ZFHX3: variants seen among roughly 807,000 people sequenced by gnomAD.
The protein encoded by ZFHX3 is zinc finger homeobox protein 3.
Under a neutral mutation model 279.1 loss-of-function variants are expected in ZFHX3, and 42 were observed. The ratio of observed to expected loss-of-function variants is 0.15; its 90% CI spans 0.12 to 0.19. The LOEUF is 0.19. Among genes scored for constraint, ZFHX3 ranks in the 10% least tolerant of loss-of-function variants. The pLI is 1.00. For missense variants in ZFHX3, 4,981 were observed against 4,754.0 expected, an observed-to-expected ratio of 1.05 and a Z score of -1.40; for synonymous variants, 2,293 against 1,957.8, an observed-to-expected ratio of 1.17 and a Z score of -4.52.
chr16:73,782,463 T>G (rs912749214), intron 1 of ZFHX3, among the ~76,000 whole-genome samples: 1 of 152,234 alleles, frequency 6.6e-6, no homozygotes, highest in South Asian at 2.1e-4. Context: ...GTCCCTAATT[T>G]AGAGGAGGAC....
At chr16:73,872,394 T>G (rs2029864413) in intron 1 of ZFHX3, among the ~76,000 whole-genome samples, 1 of 148,184 alleles carries the variant, frequency 6.7e-6, no homozygotes, top group Non-Finnish European at 1.5e-5. Flanking sequence ...CCCAGTTAAC[T>G]TATTATTATT....
At chr16:73,546,175 T>A (rs1184782803) in intron 2 of ZFHX3, among the ~76,000 whole-genome samples, 1 of 152,212 alleles carries the variant, frequency 6.6e-6, no homozygotes, top group Non-Finnish European at 1.5e-5. Context: ...GTTGCTATTA[T>A]CTCTTGCAAT....
chr16:73,673,592 TA>T (rs35298248), intron 2 of ZFHX3, among the ~76,000 whole-genome samples: 91,791 of 151,698 alleles, frequency 0.61, 28,914 homozygotes, highest in Middle Eastern at 0.84. Flanking sequence ...CATGAGAAAC[TA>T]GACTATTTTT....
At chr16:73,688,811 T>G (rs1378070286) in intron 1 of ZFHX3, among the ~76,000 whole-genome samples, 1 of 152,182 alleles carries the variant, frequency 6.6e-6, no homozygotes, top group Non-Finnish European at 1.5e-5. Flanking sequence ...GTTCCCATGC[T>G]ATTCTCATGA....
chr16:73,726,330 C>T lies in ZFHX3; in HGVS notation c.-1607-46090G>A, dbSNP rs183173877. 4.0e-4 allele frequency among the ~76,000 whole-genome samples: 61 copies of T among 152,218 alleles called. 1 individual carries two copies. Among genetic ancestry groups the T allele is most frequent in the East Asian group, 3.1e-3 (16 of 5,178 alleles). On this transcript the variant is annotated intron_variant, in intron 1 of 17. Transcript: ENST00000641206. Reference sequence around the variant, plus strand: ...ATGGCACCCAGAGGACATATTGCTGCCAAAGCACTGCATGGAAGTGGTTTA... The same window carrying T: ...ATGGCACCCAGAGGACATATTGCTGTCAAAGCACTGCATGGAAGTGGTTTA...
intron 1 of ZFHX3, among the ~76,000 whole-genome samples, chr16:73,789,058 TATATATATC>T (rs1176687367): frequency 9.3e-5 from 14 of 150,718 alleles, no homozygotes; most frequent in Admixed American, 6.6e-4. Context: ...ATAGATATCT[TATATATATC>T]ATATATATCT....
chr16:73,258,445 G>A (rs1442166807), intron 4 of ZFHX3, among the ~76,000 whole-genome samples: 2 of 151,928 alleles, frequency 1.3e-5, no homozygotes, highest in Non-Finnish European at 2.9e-5. Context: ...CACCTCCCGG[G>A]TTCACGCCAT....
intron 5 of ZFHX3, among the ~76,000 whole-genome samples, chr16:73,251,131 A>G (rs1230489148): frequency 6.6e-6 from 1 of 152,214 alleles, no homozygotes; most frequent in Non-Finnish European, 1.5e-5. Flanking sequence ...AAAAGTGTCT[A>G]TTCTTACCAG....
intron 2 of ZFHX3, among the ~76,000 whole-genome samples, chr16:73,631,076 T>C (rs1033407441): frequency 6.6e-6 from 1 of 152,162 alleles, no homozygotes; most frequent in Non-Finnish European, 1.5e-5. Context: ...CAGGCCTGAT[T>C]CCTGAGATGG....
chr16:73,031,282 G>C lies in ZFHX3; in HGVS notation c.-50+16470C>G, dbSNP rs77351898. ...GCCGACCAAAAAAGCCTGGCGGCGG[G>C]GGGGGAAGTAAACATTCACACTTCA... On this transcript the variant is annotated intron_variant, in intron 1 of 9. Transcript: ENST00000268489. Among the ~76,000 whole-genome samples, 323 of 152,190 alleles carry C rather than the reference G, an allele frequency of 2.1e-3. 3 individuals are homozygous for C. The highest frequency in any genetic ancestry group is 7.4e-3 in the African/African-American group (308 of 41,548).
intron 2 of ZFHX3, among the ~76,000 whole-genome samples, chr16:73,659,592 GC>G (rs908583468): frequency 2.6e-5 from 4 of 152,084 alleles, no homozygotes; most frequent in African/African-American, 9.7e-5. Flanking sequence ...TGTATGGAGA[GC>G]TTTCAGGCTC....
At chr16:72,907,541 CTA>C (rs1202359979) in intron 3 of ZFHX3, among the ~76,000 whole-genome samples, 10 of 117,268 alleles carry the variant, frequency 8.5e-5, no homozygotes, top group African/African-American at 3.7e-4. Context: ...AAGGTTTCCT[CTA>C]TTTGTGTGTG....
chr16:73,236,934 G>C (rs2012968317), intron 5 of ZFHX3, among the ~76,000 whole-genome samples: 1 of 152,192 alleles, frequency 6.6e-6, no homozygotes, highest in African/African-American at 2.4e-5. Context: ...AAATGGTGAA[G>C]ACAGCAAGAA....
intron 4 of ZFHX3, among the ~76,000 whole-genome samples, chr16:73,302,653 T>C (rs1318511760): frequency 1.3e-5 from 2 of 152,206 alleles, no homozygotes; most frequent in African/African-American, 4.8e-5. Flanking sequence ...AACATTCACT[T>C]AGCTTTCTCC....
intron 1 of ZFHX3, among the ~76,000 whole-genome samples, chr16:73,852,336 G>A (rs1597144132): frequency 6.6e-6 from 1 of 152,154 alleles, no homozygotes; most frequent in Non-Finnish European, 1.5e-5. Flanking sequence ...GTAGGCGTCT[G>A]ACTTCTTATA....
chr16:72,824,054 G>A (rs1597279587), intron 5 of ZFHX3, among the ~76,000 whole-genome samples: 1 of 152,124 alleles, frequency 6.6e-6, no homozygotes, highest in Admixed American at 6.5e-5. Context: ...ATACAAAGCT[G>A]TAAACAACAG....
At chr16:72,935,869 TAC>T (rs1400059094) in intron 3 of ZFHX3, among the ~76,000 whole-genome samples, 1 of 152,014 alleles carries the variant, frequency 6.6e-6, no homozygotes, top group Non-Finnish European at 1.5e-5. Flanking sequence ...GTAAGGATCT[TAC>T]AACTAAGCAG....
intron 3 of ZFHX3, among the ~76,000 whole-genome samples, chr16:73,333,008 C>T (rs1203651591): frequency 1.3e-5 from 2 of 152,092 alleles, no homozygotes; most frequent in Admixed American, 6.5e-5. Context: ...TTATTCCTTC[C>T]CTTGCTCCTT....
At chr16:72,879,226 T>C (rs1597339010) in intron 4 of ZFHX3, among the ~76,000 whole-genome samples, 1 of 152,176 alleles carries the variant, frequency 6.6e-6, no homozygotes, top group South Asian at 2.1e-4. Flanking sequence ...GTCCTTCAGG[T>C]ACTTCGAGCA....
Sources: gnomAD v4.1 joint callset for allele counts (sites outside exome capture counted in the v4.1 genomes callset) on GRCh38, gnomAD v4.1.1 for gene constraint, MANE v1.5 for transcripts, NCBI Gene and HGNC (gene_info 2026-07-23, HGNC 2026-07-21) for gene names.